The following PCDHGA3 variants were observed in gnomAD, a reference collection of about 807,000 sequenced individuals.
The protein encoded by PCDHGA3 is protocadherin gamma subfamily A, 3, also known as protocadherin gamma-A3.
Under a neutral mutation model 58.5 loss-of-function variants are expected in PCDHGA3, and 40 were observed. The observed-to-expected ratio is 0.68, with a 90% confidence interval of 0.53 to 0.89. PCDHGA3 has a LOEUF of 0.89. PCDHGA3 is among the 40% of genes least tolerant of loss of function. The pLI, the probability that PCDHGA3 is intolerant of heterozygous loss-of-function variation, is 0.00. For synonymous variants in PCDHGA3, 530 were observed against 525.7 expected (o/e 1.01, Z -0.11); for missense variants, 1,223 against 1,195.9 (o/e 1.02, Z -0.33).
intron 1 of PCDHGA3, chr5:141,371,939 C>T (rs1561553418): frequency 6.2e-7 from 1 of 1,613,300 alleles, no homozygotes; most frequent in South Asian, 1.1e-5. Context: ...GGGTGGTGTT[C>T]GCGCAGCGAG....
At chr5:141,504,483 AGGCACC>A (rs2099838618) in intron 2 of PCDHGA3, among the ~76,000 whole-genome samples, 1 of 151,954 alleles carries the variant, frequency 6.6e-6, no homozygotes, top group Non-Finnish European at 1.5e-5. Flanking sequence ...AGTACAGTGG[AGGCACC>A]TGCCCAGTCT....
chr5:141,360,548 T>A (rs1354805978), intron 1 of PCDHGA3: 3 of 1,613,974 alleles, frequency 1.9e-6, no homozygotes, highest in Non-Finnish European at 1.7e-6. Flanking sequence ...CAGACTAAGA[T>A]TAATTTAAAA....
intron 1 of PCDHGA3, chr5:141,374,762 C>A (rs765014957): frequency 1.2e-5 from 19 of 1,613,390 alleles, no homozygotes. Flanking sequence ...AAGCGTCGCC[C>A]AAATTCTGGT....
intron 1 of PCDHGA3, chr5:141,419,581 C>T: frequency 6.2e-7 from 1 of 1,611,888 alleles, no homozygotes; most frequent in South Asian, 1.1e-5. Context: ...GCTCCGCGCT[C>T]TTCGACACAG....
At chr5:141,422,907 G>A in intron 1 of PCDHGA3, 1 of 1,614,196 alleles carries the variant, frequency 6.2e-7, no homozygotes, top group Non-Finnish European at 8.5e-7. Context: ...ACGACAATGC[G>A]CCCGAGATCC....
intron 1 of PCDHGA3, among the ~76,000 whole-genome samples, chr5:141,387,106 A>G (rs2090822229): frequency 6.6e-6 from 1 of 152,238 alleles, no homozygotes; most frequent in African/African-American, 2.4e-5. Context: ...GAATCACATA[A>G]TATTCCTGTA....
At chr5:141,406,531 C>T (rs1303471087) in intron 1 of PCDHGA3, among the ~76,000 whole-genome samples, 1 of 152,102 alleles carries the variant, frequency 6.6e-6, no homozygotes, top group African/African-American at 2.4e-5. Flanking sequence ...TATTTTCTGA[C>T]GAAGATTCAA....
Position 141,440,827 on chromosome 5 carries a change from A to G in PCDHGA3, c.2425-53980A>G, listed in dbSNP as rs570022849. 7 of 152,196 alleles carry G rather than the reference A, an allele frequency of 4.6e-5. 1 individual carries two copies. The highest frequency in any genetic ancestry group is 1.4e-4 in the African/African-American group (6 of 41,526). 9.4% of individuals were successfully genotyped at this position (152,196 alleles called of 1,614,324 possible). A position where few individuals can be genotyped will look rare whatever the true frequency, so the allele number is the denominator to read the frequency against. ...GCAGCATCACTCAACTCCTGATCCT[A>G]TTGGTTGAAGCCAATGACAACCCTG... On this transcript the variant is annotated intron_variant, in intron 1 of 3. Transcript: ENST00000253812.
At position 141,490,359 on chromosome 5, in the gene PCDHGA3, T is replaced by A; in HGVS notation, c.2425-4448T>A. On this transcript the variant is annotated intron_variant, in intron 1 of 3. Coordinates refer to ENST00000253812, the MANE Select transcript of PCDHGA3 (RefSeq NM_018916.4). The surrounding 1 kb of genome is among the most constrained non-coding windows in gnomAD (Gnocchi z 5.4). ...TGGGCACAGTAGTGGGGTTGTTTAA[T>A]GTGCGAGACCGGGACTCAGGTAGAA... 6.2e-7 allele frequency: 1 copy of A among 1,614,212 alleles called. No individual in the cohort carries two copies. The highest frequency in any genetic ancestry group is 8.5e-7 in the Non-Finnish European group (1 of 1,180,036).
chr5:141,439,796 G>A (rs980000701), intron 1 of PCDHGA3: 1 of 152,318 alleles, frequency 6.6e-6, no homozygotes. Flanking sequence ...AATCCAAGAA[G>A]AGTTTGAAAA....
chr5:141,390,215 A>G, intron 1 of PCDHGA3: 1 of 1,614,038 alleles, frequency 6.2e-7, no homozygotes. Flanking sequence ...GACAAGACAT[A>G]CTTTGCGGTG....
chr5:141,357,525 T>A (rs1015704388), intron 1 of PCDHGA3: 2 of 1,614,206 alleles, frequency 1.2e-6, no homozygotes, highest in Non-Finnish European at 1.7e-6. Flanking sequence ...AACCCAGCTA[T>A]GCAGACACGC....
intron 1 of PCDHGA3, chr5:141,383,041 A>C: frequency 6.2e-7 from 1 of 1,613,860 alleles, no homozygotes; most frequent in Non-Finnish European, 8.5e-7. Context: ...TGTGGGAGAC[A>C]TCGCCAAGGA....
intron 1 of PCDHGA3, among the ~76,000 whole-genome samples, chr5:141,358,211 G>A (rs1760853496): frequency 6.6e-6 from 1 of 152,100 alleles, no homozygotes; most frequent in African/African-American, 2.4e-5. Context: ...ATAAAATAAA[G>A]TAAAATAAAG....
At chr5:141,458,438 CCCA>C (rs1221646653) in intron 1 of PCDHGA3, among the ~76,000 whole-genome samples, 3 of 152,024 alleles carry the variant, frequency 2.0e-5, no homozygotes, top group African/African-American at 7.2e-5. Context: ...GAGGAGGTCC[CCCA>C]CATTAACAAT....
rs371176166 is a variant in PCDHGA3 at position 141,350,480 on chromosome 5, G to A, written c.2424+4023G>A. On this transcript the variant is annotated intron_variant, in intron 1 of 3. Transcript: ENST00000253812. Reference sequence around the variant, plus strand: ...GGTTAGTGCAGAGGATTATTTCAACGTTAGTTTGGAGAGCGGGGATTTGTT... The same window carrying A: ...GGTTAGTGCAGAGGATTATTTCAACATTAGTTTGGAGAGCGGGGATTTGTT... 6.2e-7 allele frequency: 1 copy of A among 1,613,898 alleles called. No homozygotes were observed. The highest frequency in any genetic ancestry group is 8.5e-7 in the Non-Finnish European group (1 of 1,179,900).
intron 2 of PCDHGA3, among the ~76,000 whole-genome samples, chr5:141,503,688 T>A (rs2099828724): frequency 6.6e-6 from 1 of 152,042 alleles, no homozygotes; most frequent in African/African-American, 2.4e-5. Context: ...GGAAGGAGAA[T>A]TGAGATTCCT....
chr5:141,368,590 A>G (rs914366988), intron 1 of PCDHGA3, among the ~76,000 whole-genome samples: 8 of 152,142 alleles, frequency 5.3e-5, no homozygotes, highest in African/African-American at 9.7e-5. Context: ...GGTGTTTGGG[A>G]AAAAAGTAAA....
chr5:141,429,426 G>C (rs992784469), intron 1 of PCDHGA3, among the ~76,000 whole-genome samples: 3 of 151,724 alleles, frequency 2.0e-5, no homozygotes, highest in African/African-American at 4.8e-5. Context: ...TGTTGCCCAG[G>C]CTGGACTCAA....
Sources: allele counts gnomAD v4.1 joint callset (sites outside exome capture counted in the v4.1 genomes callset), GRCh38; gene constraint gnomAD v4.1.1; non-coding constraint Gnocchi (gnomAD v3.1); transcripts MANE v1.5; gene names NCBI Gene and HGNC (gene_info 2026-07-23, HGNC 2026-07-21).